The following TTC13 variants were observed in gnomAD, a reference collection of about 807,000 sequenced individuals.
The protein encoded by TTC13 is tetratricopeptide repeat domain 13.
In TTC13, 62 loss-of-function variants were observed where a neutral mutation model predicts 120.0. The ratio of observed to expected loss-of-function variants is 0.52; its 90% confidence interval spans 0.42 to 0.64. TTC13 has a LOEUF of 0.64. Ranked by LOEUF, TTC13 falls within the 30% of genes least tolerant of loss-of-function variation. The pLI, the probability that TTC13 is intolerant of heterozygous loss-of-function variation, is 0.00. For missense variants in TTC13, 824 were observed against 1,050.2 expected (o/e 0.78, Z 2.98); for synonymous variants, 384 against 393.5 (o/e 0.98, Z 0.28).
At chr1:230,933,504 C>G (rs893463779) in intron 9 of TTC13, among the ~76,000 whole-genome samples, 29 of 152,124 alleles carry the variant, frequency 1.9e-4, no homozygotes, top group African/African-American at 6.5e-4. Context: ...GCTTACAATG[C>G]CACTATTCAA....
At chr1:230,917,414 C>A (rs570732296) in intron 17 of TTC13, among the ~76,000 whole-genome samples, 1 of 152,226 alleles carries the variant, frequency 6.6e-6, no homozygotes, top group South Asian at 2.1e-4. Context: ...GCTAATAAAC[C>A]GCCTCTAGGG....
intron 3 of TTC13, among the ~76,000 whole-genome samples, chr1:230,956,213 C>G (rs1676067031): frequency 6.6e-6 from 1 of 152,270 alleles, no homozygotes; most frequent in Admixed American, 6.5e-5. Flanking sequence ...GCTCCAGAGC[C>G]TAACCTCCCA....
intron 3 of TTC13, among the ~76,000 whole-genome samples, chr1:230,958,009 G>T (rs1393807652): frequency 6.7e-6 from 1 of 149,254 alleles, no homozygotes; most frequent in African/African-American, 2.5e-5. Flanking sequence ...CATAGAAATG[G>T]AGAGCTGGAA....
At chr1:230,976,004 A>G (rs1192388804) in intron 1 of TTC13, among the ~76,000 whole-genome samples, 1 of 152,208 alleles carries the variant, frequency 6.6e-6, no homozygotes, top group Non-Finnish European at 1.5e-5. Flanking sequence ...TGCTTGTAAG[A>G]AGGTATGCAG....
intron 15 of TTC13, among the ~76,000 whole-genome samples, chr1:230,922,905 C>A (rs989270453): frequency 4.6e-5 from 7 of 152,102 alleles, no homozygotes; most frequent in African/African-American, 1.4e-4. Flanking sequence ...TCTACGGTAG[C>A]CTTCGATTAA....
Position 230,978,650 on chromosome 1 carries a change from G to A in TTC13, c.181C>T (p.His61Tyr). 1.4e-5 allele frequency: 21 copies of A among 1,477,924 alleles called. No individual in the cohort carries two copies. Among genetic ancestry groups the A allele is most frequent in the Non-Finnish European group, 1.9e-5 (21 of 1,122,240 alleles). The allele number at this position is 1,477,924 out of a possible 1,614,324, so 91.6% of individuals were successfully genotyped here. A position where few individuals can be genotyped will look rare whatever the true frequency, so the allele number is the denominator to read the frequency against. The part of the protein sequence containing the change: ...PLSLLKQELQ[H>Y]RQQQEAPAGG... ...GCCGGGGCCTCCTGCTGCTGCCGGTGCTGCAGCTCCTGCTTGAGCAGGGAG... is the reference window on the plus strand; with the variant it reads ...GCCGGGGCCTCCTGCTGCTGCCGGTACTGCAGCTCCTGCTTGAGCAGGGAG... Residue 61 changes from histidine to tyrosine, a missense_variant, in exon 1 of 23, where the codon CAC becomes TAC. His to Tyr is a moderately conservative substitution (Grantham distance 83). This residue lies in a region of TTC13 where 160 missense variants were observed against 137.2 expected (regional missense o/e 1.17). Transcript: ENST00000366661. The surrounding 1 kb of genome is among the most constrained non-coding windows in gnomAD (Gnocchi z 5.6).
chr1:230,948,688 C>A (rs898972317), intron 4 of TTC13, among the ~76,000 whole-genome samples: 3 of 152,044 alleles, frequency 2.0e-5, no homozygotes, highest in Non-Finnish European at 4.4e-5. Context: ...GGGGGTCTCA[C>A]TTTATTGCCC....
At position 230,978,165 on chromosome 1, in the gene TTC13, G is replaced by A. The variant is rs568017310; in HGVS notation, c.271+395C>T. 2.0e-5 allele frequency among the ~76,000 whole-genome samples: 3 copies of A among 152,288 alleles called. No individual in the cohort carries two copies. The highest frequency in any genetic ancestry group is 2.1e-4 in the South Asian group (1 of 4,830). On this transcript the variant is annotated intron_variant, in intron 1 of 22. Coordinates refer to ENST00000366661, the MANE Select transcript of TTC13 (RefSeq NM_024525.5). This position sits in a 1 kb window ranked among gnomAD's most constrained non-coding sequence, Gnocchi z 5.6. ...GGCGGGCTCCGCAAGCCGCCGGGCTGGTTGCTCGTCCGCCCGCCCCTCCCT... is the reference window on the plus strand; with the variant it reads ...GGCGGGCTCCGCAAGCCGCCGGGCTAGTTGCTCGTCCGCCCGCCCCTCCCT...
In TTC13 at chr1:230,950,010, G is replaced by A. The variant is rs192060729; in HGVS notation, c.513+4323C>T. ...GTCAAGAAGGACATATAATTATTGT[G>A]GCTGTTATATCTACAGTCTAGTATT... On this transcript the variant is annotated intron_variant, in intron 4 of 22. Transcript: ENST00000366661. Among the ~76,000 whole-genome samples, 158 of 152,096 alleles carry A rather than the reference G, an allele frequency of 1.0e-3. 1 individual carries two copies. Among genetic ancestry groups the A allele is most frequent in the African/African-American group, 3.5e-3 (147 of 41,498 alleles).
chr1:230,960,707 C>T (rs1482242679), intron 2 of TTC13, among the ~76,000 whole-genome samples: 3 of 152,276 alleles, frequency 2.0e-5, no homozygotes, highest in East Asian at 3.9e-4. Context: ...CAATCAGCTT[C>T]ATAGAGTTAA....
intron 4 of TTC13, among the ~76,000 whole-genome samples, chr1:230,953,291 T>C (rs1304968324): frequency 6.6e-6 from 1 of 152,206 alleles, no homozygotes; most frequent in African/African-American, 2.4e-5. Flanking sequence ...ATGAAGATAT[T>C]ATCAGTATAA....
rs866745912 is a variant in TTC13 at position 230,908,578 on chromosome 1, A to G, written c.2468+134T>C. The G allele has an allele frequency of 1.2e-5, 8 of 693,702 alleles. No individual in the cohort carries two copies. The African/African-American group carries it at 1.4e-4, about 13-fold the overall frequency. The allele number at this position is 693,702 out of a possible 1,614,324, so 43.0% of individuals were successfully genotyped here. ...TTTTAACCTTGAAAAAGTGAATTAA[A>G]TTCATTGTATTACATATTAACTTAT... is the stretch of plus-strand genomic sequence containing the variant. On this transcript the variant is annotated intron_variant, in intron 22 of 22. Transcript: ENST00000366661.
At position 230,931,703 on chromosome 1, in the gene TTC13, C is replaced by T. The variant is rs1673575655; in HGVS notation, c.1125+33G>A. 3.1e-6 allele frequency: 5 copies of T among 1,608,498 alleles called. No homozygotes were observed. In the South Asian group the frequency reaches 4.4e-5, roughly 14 times the overall value. On this transcript the variant is annotated intron_variant, in intron 10 of 22. Coordinates refer to ENST00000366661, the MANE Select transcript of TTC13 (RefSeq NM_024525.5). The stretch of plus-strand genomic sequence containing the variant: ...TTCAATGAAGAATAATCCAGTAATT[C>T]CAATTACAGTGTTCTTATTTATGGA...
At chr1:230,934,384 A>G (rs1377528621) in intron 8 of TTC13, among the ~76,000 whole-genome samples, 1 of 152,208 alleles carries the variant, frequency 6.6e-6, no homozygotes, top group Non-Finnish European at 1.5e-5. Flanking sequence ...TCTACGAGGA[A>G]AAAGAAAAAG....
At chr1:230,949,899 T>C (rs1052526592) in intron 4 of TTC13, among the ~76,000 whole-genome samples, 1 of 152,324 alleles carries the variant, frequency 6.6e-6, no homozygotes, top group Non-Finnish European at 1.5e-5. Context: ...TCCGCCCGCC[T>C]TGGCCTCCCA....
At chr1:230,946,591 A>C (rs1675023172) in intron 4 of TTC13, among the ~76,000 whole-genome samples, 1 of 152,194 alleles carries the variant, frequency 6.6e-6, no homozygotes, top group African/African-American at 2.4e-5. Context: ...CAACTAAACA[A>C]TTTTAGGTTT....
chr1:230,961,092 A>G (rs1676592315), intron 2 of TTC13, 117 bp downstream of exon 2: 1 of 672,244 alleles, frequency 1.5e-6, no homozygotes, highest in African/African-American at 1.8e-5. Flanking sequence ...TCTTTATCCT[A>G]TGCATGTAGA....
chr1:230,963,809 C>T (rs1319118636), intron 1 of TTC13, among the ~76,000 whole-genome samples: 1 of 152,050 alleles, frequency 6.6e-6, no homozygotes, highest in Non-Finnish European at 1.5e-5. Context: ...TACTCCCTGG[C>T]TAGAGCAGGG....
In TTC13 at chr1:230,908,992, C is replaced by T; in HGVS notation, c.2338G>A (p.Ala780Thr). ...ACTTCTTTTCCACTTGCCATCAGTG[C>T]TCCCACGATGACCGAGTAAGCAATT... The part of the protein sequence containing the change: ...SVIAYSVIVG[A>T]LMASGKEVAG... Residue 780 changes from alanine to threonine, a missense_variant, in exon 21 of 23, where the codon GCA (alanine) becomes ACA (threonine). By Grantham distance (58) the Ala-to-Thr change is moderately conservative. Coordinates refer to ENST00000366661, the MANE Select transcript of TTC13 (RefSeq NM_024525.5). 6.2e-7 allele frequency: 1 copy of T among 1,614,182 alleles called. No homozygotes were observed.
Sources: allele counts gnomAD v4.1 joint callset (sites outside exome capture counted in the v4.1 genomes callset), GRCh38; gene constraint gnomAD v4.1.1; regional missense constraint gnomAD v4.1.1; non-coding constraint Gnocchi (gnomAD v3.1); transcripts MANE v1.5; gene names NCBI Gene and HGNC (gene_info 2026-07-23, HGNC 2026-07-21).